Variants in NARS2 observed in about 807,000 individuals in gnomAD.
NARS2 encodes asparaginyl-tRNA synthetase.
A neutral mutation model predicts 62.9 loss-of-function variants in NARS2; 60 were observed. That is an observed-to-expected ratio of 0.95 (90% CI 0.77 to 1.18). The LOEUF is 1.18. NARS2 is among the 50% of genes most tolerant of loss of function. The pLI is 0.00. For missense variants in NARS2, 619 were observed against 576.4 expected (o/e 1.07, Z -0.76); for synonymous variants, 196 against 200.0 (o/e 0.98, Z 0.17).
At chr11:78,515,000 G>A (rs1860851198) in intron 6 of NARS2, among the ~76,000 whole-genome samples, 5 of 152,252 alleles carry the variant, frequency 3.3e-5, no homozygotes, top group Middle Eastern at 3.4e-3. Flanking sequence ...AATCATGAAG[G>A]GGGCCTTCAG....
intron 10 of NARS2, among the ~76,000 whole-genome samples, chr11:78,466,624 G>A (rs1858634909): frequency 6.6e-6 from 1 of 151,980 alleles, no homozygotes; most frequent in Admixed American, 6.6e-5. Context: ...GGGACTTCAG[G>A]TGCCCGCCAC....
At chr11:78,539,432 A>T (rs1379310558) in intron 5 of NARS2, among the ~76,000 whole-genome samples, 3 of 152,178 alleles carry the variant, frequency 2.0e-5, no homozygotes, top group Non-Finnish European at 4.4e-5. Context: ...ACTTTCACTG[A>T]GATAAAAAAA....
chr11:78,568,230 T>A (rs886600136), intron 3 of NARS2, among the ~76,000 whole-genome samples: 1 of 152,192 alleles, frequency 6.6e-6, no homozygotes, highest in Non-Finnish European at 1.5e-5. Flanking sequence ...GGAACTGGAT[T>A]TTTTTAATGA....
At chr11:78,462,090 T>A (rs1360253039) in intron 11 of NARS2, among the ~76,000 whole-genome samples, 1 of 152,216 alleles carries the variant, frequency 6.6e-6, no homozygotes, top group Admixed American at 6.5e-5. Flanking sequence ...GAAAAATCTT[T>A]ATAGAGAAGA....
At chr11:78,561,366 G>A (rs1460105907) in intron 4 of NARS2, among the ~76,000 whole-genome samples, 1 of 152,210 alleles carries the variant, frequency 6.6e-6, no homozygotes. Context: ...TTGTCAGTAT[G>A]TGCCTCAAAT....
intron 7 of NARS2, among the ~76,000 whole-genome samples, chr11:78,487,641 C>T (rs1187906131): frequency 6.6e-6 from 1 of 151,920 alleles, no homozygotes; most frequent in Non-Finnish European, 1.5e-5. Context: ...AAAATTATAC[C>T]TAGACATATC....
At chr11:78,505,647 A>G (rs1380679994) in intron 6 of NARS2, among the ~76,000 whole-genome samples, 2 of 152,192 alleles carry the variant, frequency 1.3e-5, no homozygotes, top group Non-Finnish European at 2.9e-5. Context: ...TCATTCAACA[A>G]ATATTTATTA....
In NARS2 at chr11:78,465,008, C is replaced by T. The variant is rs1858557808; in HGVS notation, c.1164+868G>A. Among the ~76,000 whole-genome samples the T allele has an allele frequency of 6.6e-5, 10 of 152,334 alleles. 1 individual carries two copies. The South Asian group carries it at 2.1e-3, about 32-fold the overall frequency. On this transcript the variant is annotated intron_variant, in intron 11 of 13. Coordinates refer to ENST00000281038, the MANE Select transcript of NARS2 (RefSeq NM_024678.6). The stretch of plus-strand genomic sequence containing the variant: ...CTTGGGTGGTCAATGGGACTGGGCG[C>T]CGTGGAGCAGGGGGCGGCGCTCGTC...
At chr11:78,510,565 AAGAG>A (rs762892743) in intron 6 of NARS2, among the ~76,000 whole-genome samples, 11 of 152,136 alleles carry the variant, frequency 7.2e-5, no homozygotes, top group South Asian at 2.1e-4. Flanking sequence ...GATAACTAAA[AAGAG>A]AGAGAGAGGA....
chr11:78,519,723 G>A (rs141630926), intron 6 of NARS2, among the ~76,000 whole-genome samples: 2,248 of 148,736 alleles, frequency 0.015, 56 homozygotes, highest in African/African-American at 0.054. Flanking sequence ...TTTTTGAGAC[G>A]GAGTTTCACT....
intron 6 of NARS2, among the ~76,000 whole-genome samples, chr11:78,505,354 G>C (rs1860453667): frequency 2.0e-5 from 3 of 148,972 alleles, no homozygotes; most frequent in African/African-American, 7.5e-5. Flanking sequence ...TGTTAAAAGA[G>C]AAAAAGAAAT....
chr11:78,564,777 C>T (rs1309235509), intron 4 of NARS2, among the ~76,000 whole-genome samples: 3 of 152,210 alleles, frequency 2.0e-5, no homozygotes, highest in African/African-American at 7.2e-5. Context: ...AACTGGACCC[C>T]TACAAACTAT....
intron 6 of NARS2, among the ~76,000 whole-genome samples, chr11:78,501,388 T>C (rs942081941): frequency 6.6e-6 from 1 of 152,188 alleles, no homozygotes; most frequent in African/African-American, 2.4e-5. Context: ...GTCTTAGTAT[T>C]AGAAAATAGT....
chr11:78,557,510 GAC>G, intron 5 of NARS2, among the ~76,000 whole-genome samples: 1 of 152,246 alleles, frequency 6.6e-6, no homozygotes, highest in Non-Finnish European at 1.5e-5. Flanking sequence ...ACAGTAGGTC[GAC>G]ACAGCATAAA....
In NARS2 at chr11:78,559,576, T is replaced by C. The variant is rs148482253; in HGVS notation, c.557A>G (p.Asn186Ser). Residue 186 changes from asparagine to serine, a missense_variant, in exon 5 of 14, where the codon AAT becomes AGT. Asn to Ser is a conservative substitution (Grantham distance 46). Transcript: ENST00000281038. ...AAGTTCTCCAGCTCCCTCAGAGTCATTGGATGTGATTATTGGAGTATGAAT... is the reference window on the plus strand; with the variant it reads ...AAGTTCTCCAGCTCCCTCAGAGTCACTGGATGTGATTATTGGAGTATGAAT... ...VHIHTPIITS[N>S]DSEGAGELFQ... The C allele has an allele frequency of 6.8e-5, 110 of 1,613,396 alleles. No individual in the cohort carries two copies. Among genetic ancestry groups the C allele is most frequent in the African/African-American group, 4.5e-4 (34 of 74,932 alleles).
intron 12 of NARS2, among the ~76,000 whole-genome samples, chr11:78,443,082 C>G (rs112358484): frequency 6.6e-6 from 1 of 151,878 alleles, no homozygotes; most frequent in Non-Finnish European, 1.5e-5. Context: ...TCCCAGCACT[C>G]TGGGAGGCTG....
At chr11:78,470,445 C>T (rs971252872) in intron 9 of NARS2, among the ~76,000 whole-genome samples, 3 of 152,076 alleles carry the variant, frequency 2.0e-5, no homozygotes, top group Admixed American at 6.5e-5. Context: ...TTTATTTATA[C>T]AGATAATGTA....
intron 1 of NARS2, among the ~76,000 whole-genome samples, chr11:78,573,688 A>G (rs4457782): frequency 0.71 from 108,434 of 152,176 alleles, 39,231 homozygotes; most frequent in Non-Finnish European, 0.79. Flanking sequence ...ACTATGAGCC[A>G]CTGTTCTAAA....
chr11:78,536,550 AAAG>A (rs1488174694), intron 5 of NARS2, among the ~76,000 whole-genome samples: 3 of 152,226 alleles, frequency 2.0e-5, no homozygotes, highest in African/African-American at 7.2e-5. Context: ...AAACAGTAAA[AAAG>A]AAATCTCTAA....
Sources: gnomAD v4.1 joint callset for allele counts (sites outside exome capture counted in the v4.1 genomes callset) on GRCh38, gnomAD v4.1.1 for gene constraint, MANE v1.5 for transcripts, NCBI Gene and HGNC (gene_info 2026-07-23, HGNC 2026-07-21) for gene names.